PKP2: variants seen among roughly 807,000 people sequenced by gnomAD.
PKP2 encodes plakophilin-2.
In PKP2, 73 loss-of-function variants were observed where a neutral mutation model predicts 83.4. That is an observed-to-expected ratio of 0.88 (90% confidence interval 0.72 to 1.06). PKP2 has a LOEUF of 1.06. Ranked by LOEUF, PKP2 falls within the 50% of genes least tolerant of loss-of-function variation. The pLI is 0.00. For synonymous variants in PKP2, 409 were observed against 430.4 expected (o/e 0.95, Z 0.62); for missense variants, 966 against 1,065.4 (o/e 0.91, Z 1.30).
intron 7 of PKP2, 137 bp from the exon 8 acceptor site, chr12:32,822,768 G>T: frequency 1.2e-6 from 1 of 861,192 alleles, no homozygotes; most frequent in Non-Finnish European, 1.9e-6. Context: ...GTTGCCTGGG[G>T]GAAATGCAAT....
chr12:32,873,781 C>T (rs373433976), intron 3 of PKP2, among the ~76,000 whole-genome samples: 3 of 152,144 alleles, frequency 2.0e-5, no homozygotes, highest in African/African-American at 7.2e-5. Context: ...CCGCCCACCT[C>T]GGCCTCGTAA....
chr12:32,817,732 C>T (rs1023772659), intron 9 of PKP2, among the ~76,000 whole-genome samples: 2 of 152,038 alleles, frequency 1.3e-5, no homozygotes, highest in African/African-American at 4.8e-5. Context: ...TATTGTTTTA[C>T]CTTTCATATT....
intron 3 of PKP2, among the ~76,000 whole-genome samples, chr12:32,870,525 A>C (rs1310445139): frequency 6.6e-6 from 1 of 152,188 alleles, no homozygotes; most frequent in Non-Finnish European, 1.5e-5. Flanking sequence ...AGTAAAAAAA[A>C]AATGCAGGCT....
chr12:32,825,760 C>T (rs1368778173), intron 6 of PKP2, among the ~76,000 whole-genome samples: 1 of 152,056 alleles, frequency 6.6e-6, no homozygotes, highest in Non-Finnish European at 1.5e-5. Context: ...AAAAAATTAG[C>T]TACGCATGGT....
intron 5 of PKP2, among the ~76,000 whole-genome samples, chr12:32,850,227 G>A (rs1001760395): frequency 1.3e-5 from 2 of 152,164 alleles, no homozygotes; most frequent in Non-Finnish European, 2.9e-5. Flanking sequence ...TTAAGCAAAA[G>A]CCGCAGAACA....
chr12:32,864,156 T>C (rs544106597), intron 4 of PKP2, among the ~76,000 whole-genome samples: 1 of 152,178 alleles, frequency 6.6e-6, no homozygotes, highest in South Asian at 2.1e-4. Flanking sequence ...CAACTTGATA[T>C]GGTCATTTAT....
At chr12:32,866,365 C>A (rs1956848673) in intron 4 of PKP2, among the ~76,000 whole-genome samples, 2 of 151,668 alleles carry the variant, frequency 1.3e-5, no homozygotes, top group Non-Finnish European at 2.9e-5. Context: ...CCAGCTTGGG[C>A]AACATGGTGA....
intron 9 of PKP2, among the ~76,000 whole-genome samples, chr12:32,819,284 AATACAATACAATACAATACAATACAATAC>A (rs1320949027): frequency 6.4e-5 from 2 of 31,228 alleles, no homozygotes; most frequent in Non-Finnish European, 2.1e-4. Flanking sequence ...CCTCAAAATA[AATACAATACAATACAATACAATACAATAC>A]AATAAAATAA....
chr12:32,845,582 A>G (rs1264029542), intron 5 of PKP2, among the ~76,000 whole-genome samples: 1 of 152,090 alleles, frequency 6.6e-6, no homozygotes, highest in Non-Finnish European at 1.5e-5. Context: ...TAATAAAAAA[A>G]TTAATGACCT....
intron 1 of PKP2, among the ~76,000 whole-genome samples, chr12:32,895,687 G>C (rs562526630): frequency 5.3e-5 from 8 of 152,330 alleles, no homozygotes; most frequent in Non-Finnish European, 1.2e-4. Flanking sequence ...ATTTTCACAA[G>C]TGGCTTGCCA....
intron 4 of PKP2, among the ~76,000 whole-genome samples, chr12:32,865,494 A>G (rs1223891223): frequency 6.6e-6 from 1 of 151,884 alleles, no homozygotes; most frequent in Non-Finnish European, 1.5e-5. Flanking sequence ...CAGCCTGGCC[A>G]ACATGATGAA....
chr12:32,805,444 A>AT (rs1273428602), intron 9 of PKP2, among the ~76,000 whole-genome samples: 1 of 152,152 alleles, frequency 6.6e-6, no homozygotes, highest in African/African-American at 2.4e-5. Flanking sequence ...TGGGTTTTAC[A>AT]TTTAAGTCTT....
chr12:32,796,196 TTGTTCAATG>T lies in PKP2; in HGVS notation c.2261_2269del (p.Thr754_Asn756del), dbSNP rs1270283587. On this transcript the variant is annotated inframe_deletion, in exon 11 of 13. Coordinates refer to ENST00000340811, the MANE Select transcript of PKP2 (RefSeq NM_001005242.3). ...ATTCTGGTAACTGTTTTGGATTATG[TTGTTCAATG>T]TGTAACAGGCAGAGGCTGTAGTTTC... 6.2e-7 allele frequency: 1 copy of T among 1,614,044 alleles called. No homozygotes were observed. The highest frequency in any genetic ancestry group is 8.5e-7 in the Non-Finnish European group (1 of 1,179,956).
chr12:32,858,081 A>G (rs1956765984), intron 4 of PKP2, among the ~76,000 whole-genome samples: 1 of 51,170 alleles, frequency 2.0e-5, no homozygotes, highest in Admixed American at 2.5e-4. Context: ...AAAAAAAAAA[A>G]AAAATATATA....
intron 4 of PKP2, among the ~76,000 whole-genome samples, chr12:32,854,816 C>T (rs572923596): frequency 3.3e-5 from 5 of 152,304 alleles, no homozygotes; most frequent in African/African-American, 9.6e-5. Flanking sequence ...AAGTAAATGA[C>T]GAGGACTTCT....
In PKP2 at chr12:32,791,649, T is replaced by C. The variant is rs543832696; in HGVS notation, c.*775A>G. ...AAAGTATCTCCTGAGAAAAATCTCA[T>C]TGACTCAGTGTTTGGGGGAACGTTA... On this transcript the variant is annotated 3_prime_UTR_variant, in exon 13 of 13. Transcript: ENST00000340811. 1.3e-5 allele frequency: 2 copies of C among 152,380 alleles called. No homozygotes were observed. Among genetic ancestry groups the C allele is most frequent in the South Asian group, 2.1e-4 (1 of 4,816 alleles). The allele number at this position is 152,380 out of a possible 1,614,324, so 9.4% of individuals were successfully genotyped here. A position where few individuals can be genotyped will look rare whatever the true frequency, so the allele number is the denominator to read the frequency against.
At chr12:32,797,696 C>T (rs1956140858) in intron 10 of PKP2, among the ~76,000 whole-genome samples, 1 of 151,492 alleles carries the variant, frequency 6.6e-6, no homozygotes, top group African/African-American at 2.4e-5. Context: ...GCTGGGATTA[C>T]AGGTGCCCGC....
intron 1 of PKP2, among the ~76,000 whole-genome samples, chr12:32,890,093 A>AAG (rs1555149280): frequency 6.6e-6 from 1 of 151,236 alleles, no homozygotes; most frequent in African/African-American, 2.4e-5. Flanking sequence ...AAAAAAAAAA[A>AAG]AAAAGAAAAG....
At chr12:32,840,025 C>G (rs1387576767) in intron 6 of PKP2, among the ~76,000 whole-genome samples, 1 of 152,200 alleles carries the variant, frequency 6.6e-6, no homozygotes, top group Non-Finnish European at 1.5e-5. Context: ...ATTCCCGCAG[C>G]ACTTCACTTG....
Sources: gnomAD v4.1 joint callset for allele counts (sites outside exome capture counted in the v4.1 genomes callset) on GRCh38, gnomAD v4.1.1 for gene constraint, MANE v1.5 for transcripts, NCBI Gene and HGNC (gene_info 2026-07-23, HGNC 2026-07-21) for gene names.